ABCC12: variants seen among roughly 807,000 people sequenced by gnomAD.
The protein encoded by ABCC12 is ATP-binding cassette sub-family C member 12.
A neutral mutation model predicts 151.1 loss-of-function variants in ABCC12; 142 were observed. The ratio of observed to expected loss-of-function variants is 0.94; its 90% CI spans 0.82 to 1.08. The LOEUF (loss-of-function observed/expected upper bound fraction) is 1.08. ABCC12 is among the 50% of genes least tolerant of loss of function. ABCC12 has a pLI of 0.00. For synonymous variants in ABCC12, 645 were observed against 646.4 expected (o/e 1.00, Z 0.03); for missense variants, 1,638 against 1,691.1 (o/e 0.97, Z 0.55).
intron 3 of ABCC12, 87 bp downstream of exon 3, chr16:48,146,219 T>C: frequency 2.6e-6 from 3 of 1,148,866 alleles, no homozygotes; most frequent in South Asian, 2.6e-5. Flanking sequence ...GAGCAGCAGA[T>C]GGGTTGCAGG....
chr16:48,124,743 C>T (rs949352541), intron 11 of ABCC12, among the ~76,000 whole-genome samples: 2 of 152,206 alleles, frequency 1.3e-5, no homozygotes, highest in Admixed American at 1.3e-4. Flanking sequence ...AGAAGTTACA[C>T]TATTCTAACA....
At chr16:48,154,351 A>C (rs1965155215) in intron 1 of ABCC12, among the ~76,000 whole-genome samples, 1 of 152,192 alleles carries the variant, frequency 6.6e-6, no homozygotes. Context: ...GAAAACATTT[A>C]AAAATGAGGA....
intron 6 of ABCC12, 72 bp from the exon 7 acceptor site, chr16:48,139,408 G>A: frequency 6.7e-7 from 1 of 1,488,290 alleles, no homozygotes. Flanking sequence ...AAGGCTTTCA[G>A]ATTGGCCGAG....
rs145774141 is a variant in ABCC12, at chr16:48,088,710, G to A, written c.3310C>T (p.Pro1104Ser). The change falls in exon 26 of 31, where the codon CCC becomes TCC. Residue 1104 changes from proline (P) to serine (S), a missense_variant. Pro to Ser is a moderately conservative substitution (Grantham distance 74, BLOSUM62 -1). Transcript: ENST00000311303. ...TTGGGACAGGTCCCCACTTTGAGGG[G>A]ATGAGTGCATTCAGGAACACAGGTC... ...ISTCVPECTH[P>S]LKVGTCPKDW... 1 of 1,613,856 alleles carries A rather than the reference G, an allele frequency of 6.2e-7. No individual in the cohort carries two copies. The highest frequency in any genetic ancestry group is 8.5e-7 in the Non-Finnish European group (1 of 1,179,860).
chr16:48,111,311 C>A, intron 18 of ABCC12, 125 bp downstream of exon 18: 1 of 1,179,440 alleles, frequency 8.5e-7, no homozygotes. Context: ...GCACACAGTA[C>A]CCTAGACCAT....
intron 5 of ABCC12, 62 bp from the exon 6 acceptor site, chr16:48,140,982 C>A: frequency 6.6e-7 from 1 of 1,507,112 alleles, no homozygotes; most frequent in Non-Finnish European, 9.1e-7. Context: ...GCATAGGAGG[C>A]CTCAGATCAT....
At chr16:48,091,550 G>A (rs1023252441) in intron 24 of ABCC12, among the ~76,000 whole-genome samples, 1 of 152,128 alleles carries the variant, frequency 6.6e-6, no homozygotes, top group Non-Finnish European at 1.5e-5. Flanking sequence ...GCTGGCTATC[G>A]GCCCCTTGCT....
chr16:48,103,754 T>G (rs2150604107), intron 22 of ABCC12, among the ~76,000 whole-genome samples: 1 of 152,194 alleles, frequency 6.6e-6, no homozygotes, highest in Non-Finnish European at 1.5e-5. Flanking sequence ...ACAGCTGCAG[T>G]GGGAACCCCC....
rs190245298 is a variant in ABCC12 at position 48,105,916 on chromosome 16, G to A, written c.2476-580C>T. ...GTACTGCCCTGGGATCTTTGGTGGGGAGGAGGGTGCCCAGTGAATACAAGT... is the reference window on the plus strand; with the variant it reads ...GTACTGCCCTGGGATCTTTGGTGGGAAGGAGGGTGCCCAGTGAATACAAGT... On this transcript the variant is annotated intron_variant, in intron 20 of 30. Coordinates refer to ENST00000311303, the MANE Select transcript of ABCC12 (RefSeq NM_001393797.1). Among the ~76,000 whole-genome samples, 362 of 152,308 alleles carry A rather than the reference G, an allele frequency of 2.4e-3. 5 individuals carry two copies. The highest frequency in any genetic ancestry group is 8.4e-3 in the African/African-American group (348 of 41,560).
chr16:48,105,297 C>T lies in ABCC12; in HGVS notation c.2515G>A (p.Val839Ile), dbSNP rs761363586. Residue 839 changes from valine (V) to isoleucine (I), a missense_variant, in exon 21 of 31, where the codon GTC becomes ATC. Coordinates refer to ENST00000311303, the MANE Select transcript of ABCC12 (RefSeq NM_001393797.1). ...GPQGNRTMCE[V>I]GAVLADIGQH... Reference sequence around the variant, plus strand: ...CCGATGTCTGCCAGCACCGCGCCGACCTCACACATGGTCCTGTTGCCCTGG... The same window carrying T: ...CCGATGTCTGCCAGCACCGCGCCGATCTCACACATGGTCCTGTTGCCCTGG... 1 of 1,613,366 alleles carries T rather than the reference C, an allele frequency of 6.2e-7. No individual in the cohort carries two copies. Among genetic ancestry groups the T allele is most frequent in the Non-Finnish European group, 8.5e-7 (1 of 1,179,872 alleles).
chr16:48,115,265 G>A (rs1963835637), intron 15 of ABCC12, 150 bp downstream of exon 15: 1 of 948,396 alleles, frequency 1.1e-6, no homozygotes, highest in Admixed American at 2.3e-5. Flanking sequence ...AGGAAGGCTG[G>A]GGAATCATGA....
chr16:48,104,069 T>C, intron 22 of ABCC12, 73 bp downstream of exon 22: 3 of 1,473,906 alleles, frequency 2.0e-6, no homozygotes, highest in Non-Finnish European at 2.8e-6. Context: ...AAGCACTCCA[T>C]GCTCAATATC....
intron 3 of ABCC12, among the ~76,000 whole-genome samples, chr16:48,145,590 A>C (rs1208696963): frequency 6.6e-6 from 1 of 152,230 alleles, no homozygotes; most frequent in Non-Finnish European, 1.5e-5. Flanking sequence ...CAGTGAAAAA[A>C]GTGGTGTGCC....
At chr16:48,139,058 G>C in intron 7 of ABCC12, 105 bp downstream of exon 7, 1 of 1,274,762 alleles carries the variant, frequency 7.8e-7, no homozygotes, top group Non-Finnish European at 1.1e-6. Flanking sequence ...AGTACAAAAT[G>C]GGGCACAGGC....
chr16:48,111,441 G>A lies in ABCC12; in HGVS notation c.2276C>T (p.Thr759Ile). The change falls in exon 18 of 31, where the codon ACA becomes ATA. Residue 759 changes from threonine (T) to isoleucine (I), a missense_variant. Thr to Ile is a moderately conservative substitution (Grantham distance 89). Transcript: ENST00000311303. ...AGGGGATGTGTGGTAAATACCTTTT[G>A]TGTCTACAAATTCTGAGCCTGTTTC... is the stretch of plus-strand genomic sequence containing the variant. Reference protein sequence around the residue: ...ESETGSEFVDTKVPEHQLIQT... With the variant: ...ESETGSEFVDIKVPEHQLIQT... The A allele has an allele frequency of 6.2e-7, 1 of 1,614,076 alleles. No homozygotes were observed. The highest frequency in any genetic ancestry group is 8.5e-7 in the Non-Finnish European group (1 of 1,179,952).
At chr16:48,096,724 C>T (rs768769755) in intron 24 of ABCC12, 22 bp downstream of exon 24, 3 of 1,613,524 alleles carry the variant, frequency 1.9e-6, no homozygotes, top group Admixed American at 1.7e-5. Context: ...CAGACTAAGC[C>T]CAACTTTGCA....
intron 9 of ABCC12, among the ~76,000 whole-genome samples, chr16:48,132,863 C>T (rs749029709): frequency 1.3e-5 from 2 of 152,236 alleles, no homozygotes; most frequent in African/African-American, 2.4e-5. Flanking sequence ...TGGCTATTAT[C>T]GTCCCATTTG....
At position 48,107,325 on chromosome 16, in the gene ABCC12, TGAGCCCTTG is replaced by T; in HGVS notation, c.2463_2471del (p.Asp821_Ser824delinsGlu). 6.2e-7 allele frequency: 1 copy of T among 1,614,028 alleles called. No homozygotes were observed. The highest frequency in any genetic ancestry group is 1.1e-5 in the South Asian group (1 of 91,082). On this transcript the variant is annotated inframe_deletion, in exon 20 of 31. Transcript: ENST00000311303. ...CCAATGCCAAAGGGAAACTCACCCG[TGAGCCCTTG>T]TCCAACCAGAGACCCAGCCACCAGT...
chr16:48,086,517 T>C, intron 28 of ABCC12: 2 of 500,172 alleles, frequency 4.0e-6, no homozygotes, highest in East Asian at 6.6e-5. Flanking sequence ...AAGGACCAAG[T>C]GAGATGATAC....
Sources: allele counts gnomAD v4.1 joint callset (sites outside exome capture counted in the v4.1 genomes callset), GRCh38; gene constraint gnomAD v4.1.1; transcripts MANE v1.5; gene names NCBI Gene and HGNC (gene_info 2026-07-23, HGNC 2026-07-21).